FSTL5: variants seen among roughly 807,000 people sequenced by gnomAD.
The protein encoded by FSTL5 is follistatin like 5.
Under a neutral mutation model 89.1 loss-of-function variants are expected in FSTL5, and 62 were observed. The observed-to-expected ratio is 0.70, with a 90% CI of 0.57 to 0.86. The LOEUF is 0.86. Among genes scored for constraint, FSTL5 ranks in the 40% least tolerant of loss-of-function variants. The pLI, the probability that FSTL5 is intolerant of heterozygous loss-of-function variation, is 0.00. For synonymous variants in FSTL5, 383 were observed against 346.2 expected, an observed-to-expected ratio of 1.11 and a Z score of -1.18; for missense variants, 1,057 against 1,001.6, an observed-to-expected ratio of 1.06 and a Z score of -0.75.
intron 2 of FSTL5, among the ~76,000 whole-genome samples, chr4:162,044,607 C>T (rs1385312630): frequency 6.6e-6 from 1 of 152,176 alleles, no homozygotes; most frequent in Non-Finnish European, 1.5e-5. Context: ...CAGACATTGA[C>T]TTCTTTCTCG....
chr4:161,849,528 T>TACACACACAC (rs35353090), intron 4 of FSTL5, among the ~76,000 whole-genome samples: 11 of 147,316 alleles, frequency 7.5e-5, no homozygotes, highest in African/African-American at 2.5e-4. Context: ...GCCCTCGACC[T>TACACACACAC]ACACACACAC....
intron 6 of FSTL5, among the ~76,000 whole-genome samples, chr4:161,699,112 C>A (rs1428238255): frequency 6.6e-6 from 1 of 152,134 alleles, no homozygotes; most frequent in African/African-American, 2.4e-5. Flanking sequence ...GTGACTTTGA[C>A]TTATCATTTA....
At chr4:161,425,912 A>G (rs933794780) in intron 15 of FSTL5, among the ~76,000 whole-genome samples, 9 of 151,888 alleles carry the variant, frequency 5.9e-5, no homozygotes, top group Admixed American at 5.2e-4. Flanking sequence ...GAGTGAGGGT[A>G]GAGCTTAAAG....
At chr4:162,136,170 A>G (rs1732512979) in intron 1 of FSTL5, among the ~76,000 whole-genome samples, 1 of 152,096 alleles carries the variant, frequency 6.6e-6, no homozygotes. Context: ...GCAAGAAATA[A>G]ATAAAAATTG....
chr4:161,889,962 T>A (rs1732934981), intron 4 of FSTL5, among the ~76,000 whole-genome samples: 1 of 152,210 alleles, frequency 6.6e-6, no homozygotes, highest in Non-Finnish European at 1.5e-5. Context: ...TGTAATATGG[T>A]ATCATAATTT....
chr4:161,459,925 GT>G (rs201066934), intron 13 of FSTL5, among the ~76,000 whole-genome samples: 6 of 150,584 alleles, frequency 4.0e-5, no homozygotes, highest in East Asian at 3.9e-4. Flanking sequence ...ATGAAAATGT[GT>G]TTTTTTTGCT....
At chr4:161,478,422 T>C (rs1050396899) in intron 13 of FSTL5, among the ~76,000 whole-genome samples, 1 of 152,138 alleles carries the variant, frequency 6.6e-6, no homozygotes, top group Non-Finnish European at 1.5e-5. Flanking sequence ...AGACACCTTA[T>C]TTAATATACA....
At chr4:161,716,693 A>G (rs1009551919) in intron 6 of FSTL5, among the ~76,000 whole-genome samples, 6 of 152,128 alleles carry the variant, frequency 3.9e-5, no homozygotes, top group Non-Finnish European at 8.8e-5. Context: ...TCCACATGAT[A>G]TTTTACATGA....
chr4:161,428,732 T>G (rs1018150592), intron 15 of FSTL5, among the ~76,000 whole-genome samples: 1 of 152,072 alleles, frequency 6.6e-6, no homozygotes, highest in Non-Finnish European at 1.5e-5. Flanking sequence ...ACCCGGACAG[T>G]ACTCACCATG....
At chr4:161,564,514 CAT>C (rs1167668149) in intron 8 of FSTL5, among the ~76,000 whole-genome samples, 4 of 144,538 alleles carry the variant, frequency 2.8e-5, no homozygotes, top group Admixed American at 6.9e-5. Flanking sequence ...TTAATTAACT[CAT>C]ATAATTAATT....
intron 4 of FSTL5, among the ~76,000 whole-genome samples, chr4:161,838,450 T>C (rs1351414531): frequency 1.3e-5 from 2 of 151,762 alleles, no homozygotes; most frequent in East Asian, 3.9e-4. Context: ...GCCCGGCTAA[T>C]TTTTTTTGTA....
chr4:161,424,052 T>G (rs6815094), intron 15 of FSTL5, among the ~76,000 whole-genome samples: 1 of 75,798 alleles, frequency 1.3e-5, no homozygotes, highest in Non-Finnish European at 2.9e-5. Context: ...TTTTTTTTTG[T>G]ATTTTTAGTA....
chr4:162,026,304 C>CTTTTTTTGTTTTTTTTTTTTTTTT (rs1737282573), intron 3 of FSTL5, among the ~76,000 whole-genome samples: 1 of 79,474 alleles, frequency 1.3e-5, no homozygotes, highest in Non-Finnish European at 2.2e-5. Flanking sequence ...TATGTATTTT[C>CTTTTTTTGTTTTTTTTTTTTTTTT]TTTTTTTTTT....
chr4:161,866,094 G>T (rs1560889159), intron 4 of FSTL5, among the ~76,000 whole-genome samples: 1 of 152,176 alleles, frequency 6.6e-6, no homozygotes, highest in Non-Finnish European at 1.5e-5. Flanking sequence ...TACCTGGAAG[G>T]TATTTTAGGA....
Position 162,113,286 on chromosome 4 carries a change from C to T in FSTL5, c.-16-1874G>A, listed in dbSNP as rs184462866. On this transcript the variant is annotated intron_variant, in intron 1 of 15. Transcript: ENST00000306100. ...AACCAAGGAAACATCTTTGATATCT[C>T]TTGTTTACCCTTTAGATTAAACTCA... is the stretch of plus-strand genomic sequence containing the variant. 1.6e-3 allele frequency among the ~76,000 whole-genome samples: 229 copies of T among 141,440 alleles called. 2 individuals carry two copies. Among genetic ancestry groups the T allele is most frequent in the Non-Finnish European group, 5.4e-4 (35 of 65,172 alleles). The allele number at this position is 141,440 out of a possible 152,430, so 92.8% of individuals were successfully genotyped here.
intron 2 of FSTL5, among the ~76,000 whole-genome samples, chr4:162,061,614 T>G (rs1386090229): frequency 1.3e-5 from 2 of 152,176 alleles, no homozygotes; most frequent in East Asian, 3.9e-4. Flanking sequence ...CAGGGCCTAG[T>G]GCAGCATGAA....
At chr4:161,824,349 C>A (rs1207613642) in intron 4 of FSTL5, among the ~76,000 whole-genome samples, 1 of 152,140 alleles carries the variant, frequency 6.6e-6, no homozygotes, top group Non-Finnish European at 1.5e-5. Flanking sequence ...TCTGGGTTCT[C>A]TATTCTGTTC....
chr4:161,835,255 GA>G (rs1170432596), intron 4 of FSTL5, among the ~76,000 whole-genome samples: 2 of 152,034 alleles, frequency 1.3e-5, no homozygotes, highest in East Asian at 3.8e-4. Context: ...GCCATAAGTA[GA>G]AAGCTGAAAC....
At chr4:161,541,163 C>A (rs1456808436) in intron 9 of FSTL5, among the ~76,000 whole-genome samples, 2 of 152,120 alleles carry the variant, frequency 1.3e-5, no homozygotes, top group East Asian at 3.9e-4. Flanking sequence ...GAGTTTTATA[C>A]CCCTATGTGT....
Sources: gnomAD v4.1 joint callset for allele counts (sites outside exome capture counted in the v4.1 genomes callset) on GRCh38, gnomAD v4.1.1 for gene constraint, MANE v1.5 for transcripts, NCBI Gene and HGNC (gene_info 2026-07-23, HGNC 2026-07-21) for gene names.